Variants in DTD1 observed in about 807,000 individuals in gnomAD.
DTD1 encodes D-aminoacyl-tRNA deacylase 1, also known as D-tyrosyl-tRNA deacylase 1 homolog.
A neutral mutation model predicts 25.6 loss-of-function variants in DTD1; 13 were observed. That is an observed-to-expected ratio of 0.51 (90% confidence interval 0.33 to 0.81). DTD1 has a LOEUF of 0.81. Ranked by LOEUF, DTD1 falls within the 30% of genes least tolerant of loss-of-function variation. DTD1 has a pLI of 0.02. For missense variants in DTD1, 193 were observed against 266.4 expected (o/e 0.72, Z 1.92); for synonymous variants, 110 against 103.6 (o/e 1.06, Z -0.37).
At chr20:18,699,228 T>C (rs1190508307) in intron 4 of DTD1, among the ~76,000 whole-genome samples, 1 of 152,202 alleles carries the variant, frequency 6.6e-6, no homozygotes, top group Non-Finnish European at 1.5e-5. Flanking sequence ...AGGTAGGCCA[T>C]GGCAGAATGA....
chr20:18,650,525 A>ACCCCCAGTG (rs1173354749), intron 4 of DTD1, among the ~76,000 whole-genome samples: 1 of 151,696 alleles, frequency 6.6e-6, no homozygotes, highest in Non-Finnish European at 1.5e-5. Flanking sequence ...CCTGCACTGA[A>ACCCCCAGTG]CCCCCAGTGC....
intron 4 of DTD1, among the ~76,000 whole-genome samples, chr20:18,642,497 G>T (rs1408876576): frequency 6.6e-6 from 1 of 151,908 alleles, no homozygotes; most frequent in Non-Finnish European, 1.5e-5. Flanking sequence ...TCAATCTCCT[G>T]GGCTCAAGCA....
chr20:18,753,046 G>A (rs1013053292), intron 5 of DTD1, among the ~76,000 whole-genome samples: 2 of 152,172 alleles, frequency 1.3e-5, no homozygotes, highest in Non-Finnish European at 2.9e-5. Flanking sequence ...CTATTGCTAA[G>A]GTGCAGAGCC....
intron 5 of DTD1, among the ~76,000 whole-genome samples, chr20:18,759,182 C>A (rs999854972): frequency 6.6e-6 from 1 of 152,126 alleles, no homozygotes; most frequent in African/African-American, 2.4e-5. Flanking sequence ...GGTCTTGACT[C>A]TTTATCCGAT....
chr20:18,742,254 T>C (rs2061281129), intron 4 of DTD1, among the ~76,000 whole-genome samples: 1 of 152,308 alleles, frequency 6.6e-6, no homozygotes, highest in East Asian at 1.9e-4. Flanking sequence ...GGAGAGTTGC[T>C]GAGTCAAAGG....
intron 4 of DTD1, among the ~76,000 whole-genome samples, chr20:18,741,406 GT>G (rs1600399745): frequency 6.6e-6 from 1 of 152,214 alleles, no homozygotes. Context: ...ACTGTTGCTG[GT>G]CCAGGTGTCA....
chr20:18,614,855 C>G (rs1261100066), intron 3 of DTD1, among the ~76,000 whole-genome samples: 2 of 151,976 alleles, frequency 1.3e-5, no homozygotes, highest in Non-Finnish European at 2.9e-5. Context: ...TTCTTCCACT[C>G]TCCTTCAATC....
intron 3 of DTD1, among the ~76,000 whole-genome samples, chr20:18,610,198 T>A (rs1377343578): frequency 6.6e-6 from 1 of 152,238 alleles, no homozygotes; most frequent in Non-Finnish European, 1.5e-5. Flanking sequence ...CTGCTTTCAG[T>A]CTGCGTTTTT....
intron 3 of DTD1, among the ~76,000 whole-genome samples, chr20:18,598,315 T>C (rs1051742563): frequency 1.3e-5 from 2 of 152,190 alleles, no homozygotes; most frequent in African/African-American, 4.8e-5. Context: ...AACTCATCCT[T>C]TTTTATGGCT....
At chr20:18,723,392 G>T (rs1452952857) in intron 4 of DTD1, among the ~76,000 whole-genome samples, 1 of 152,194 alleles carries the variant, frequency 6.6e-6, no homozygotes, top group Non-Finnish European at 1.5e-5. Flanking sequence ...TGAGATAGAG[G>T]CTAATGATAA....
At chr20:18,600,444 C>A (rs56680848) in intron 3 of DTD1, among the ~76,000 whole-genome samples, 4,464 of 152,288 alleles carry the variant, frequency 0.029, 110 homozygotes, top group African/African-American at 0.05. Flanking sequence ...GCTCTCTGTT[C>A]TGTTCCATTG....
chr20:18,723,535 C>T (rs1167875460), intron 4 of DTD1, among the ~76,000 whole-genome samples: 3 of 152,220 alleles, frequency 2.0e-5, no homozygotes, highest in African/African-American at 7.2e-5. Flanking sequence ...CCATGGCTAG[C>T]CTGATCACAG....
intron 4 of DTD1, among the ~76,000 whole-genome samples, chr20:18,645,634 A>G (rs1248115093): frequency 6.6e-6 from 1 of 152,260 alleles, no homozygotes; most frequent in Admixed American, 6.5e-5. Flanking sequence ...CTTAACATTT[A>G]CACTACATTG....
intron 4 of DTD1, among the ~76,000 whole-genome samples, chr20:18,644,624 T>C (rs974467344): frequency 1.3e-5 from 2 of 152,248 alleles, no homozygotes; most frequent in Non-Finnish European, 2.9e-5. Flanking sequence ...TTAGGAATAA[T>C]AGACCTGAAA....
At chr20:18,591,462 T>C (rs942239773) in intron 1 of DTD1, among the ~76,000 whole-genome samples, 1 of 152,142 alleles carries the variant, frequency 6.6e-6, no homozygotes, top group African/African-American at 2.4e-5. Context: ...TAAAAGGTGT[T>C]TAGGAAAAGG....
intron 4 of DTD1, 149 bp downstream of exon 4, chr20:18,628,382 C>A: frequency 7.7e-6 from 5 of 648,492 alleles, no homozygotes; most frequent in Non-Finnish European, 1.3e-5. Context: ...TGCATGTTTA[C>A]GGTGCACTCC....
chr20:18,744,408 G>A, intron 5 of DTD1, 137 bp downstream of exon 5: 4 of 929,548 alleles, frequency 4.3e-6, no homozygotes, highest in Non-Finnish European at 6.3e-6. Flanking sequence ...CTGCCTTCCA[G>A]GATGGAGACA....
chr20:18,707,531 A>G lies in DTD1; in HGVS notation c.478-36569A>G, dbSNP rs145609153. Among the ~76,000 whole-genome samples the G allele has an allele frequency of 4.5e-3, 688 of 152,294 alleles. 4 individuals carry two copies. The highest frequency in any genetic ancestry group is 0.016 in the African/African-American group (661 of 41,558). On this transcript the variant is annotated intron_variant, in intron 4 of 5. Coordinates refer to ENST00000377452, the MANE Select transcript of DTD1 (RefSeq NM_080820.6). ...CTGGCCATAGAGTGCTGTGCAGTAC[A>G]GCAGCACCAGACTCTAAAGGGAGCG... is the stretch of plus-strand genomic sequence containing the variant.
At chr20:18,687,845 G>C (rs1401993667) in intron 4 of DTD1, among the ~76,000 whole-genome samples, 1 of 152,188 alleles carries the variant, frequency 6.6e-6, no homozygotes, top group African/African-American at 2.4e-5. Flanking sequence ...TTGAAGGATG[G>C]GGTGCACAGT....
Sources: allele counts gnomAD v4.1 joint callset (sites outside exome capture counted in the v4.1 genomes callset), GRCh38; gene constraint gnomAD v4.1.1; transcripts MANE v1.5; gene names NCBI Gene and HGNC (gene_info 2026-07-23, HGNC 2026-07-21).